Variants in GPA33 observed in about 807,000 individuals in gnomAD.
GPA33 encodes cell surface A33 antigen.
In GPA33, 27 loss-of-function variants were observed where a neutral mutation model predicts 35.6. The observed-to-expected ratio is 0.76, with a 90% CI of 0.56 to 1.04. The LOEUF (loss-of-function observed/expected upper bound fraction) is 1.04. GPA33 is among the 50% of genes least tolerant of loss of function. GPA33 has a pLI of 0.00. For missense variants in GPA33, 428 were observed against 411.9 expected (o/e 1.04, Z -0.34); for synonymous variants, 176 against 164.0 (o/e 1.07, Z -0.56).
chr1:167,088,248 T>C (rs918357530), intron 1 of GPA33, among the ~76,000 whole-genome samples: 39 of 152,278 alleles, frequency 2.6e-4, no homozygotes, highest in South Asian at 2.1e-4. Context: ...CTCCCTTACC[T>C]GCGCAAAGGA....
intron 1 of GPA33, among the ~76,000 whole-genome samples, chr1:167,077,648 AC>A (rs1426647776): frequency 6.6e-6 from 1 of 152,136 alleles, no homozygotes; most frequent in African/African-American, 2.4e-5. Flanking sequence ...GAACCAACCC[AC>A]TAAGTCATTC....
intron 4 of GPA33, among the ~76,000 whole-genome samples, chr1:167,063,370 A>G (rs985546660): frequency 2.6e-5 from 4 of 152,154 alleles, no homozygotes; most frequent in African/African-American, 9.7e-5. Context: ...GATCGTGCCA[A>G]CTGCACTCCA....
intron 4 of GPA33, among the ~76,000 whole-genome samples, chr1:167,061,747 C>T (rs796790620): frequency 5.3e-5 from 8 of 151,994 alleles, no homozygotes; most frequent in South Asian, 2.1e-4. Flanking sequence ...GGACTACAGG[C>T]GTCCGCCACC....
intron 1 of GPA33, among the ~76,000 whole-genome samples, chr1:167,087,095 T>C (rs780435427): frequency 9.2e-5 from 14 of 152,198 alleles, no homozygotes; most frequent in Non-Finnish European, 1.8e-4. Flanking sequence ...TGTGCACACA[T>C]TGGAGCATTT....
chr1:167,059,189 G>T (rs1294390048), intron 4 of GPA33, among the ~76,000 whole-genome samples: 1 of 152,200 alleles, frequency 6.6e-6, no homozygotes, highest in Non-Finnish European at 1.5e-5. Context: ...ACTGGAAGCT[G>T]CTGGGATGAA....
At position 167,054,227 on chromosome 1, in the gene GPA33, T is replaced by C; in HGVS notation, c.*107A>G. 2.2e-6 allele frequency: 3 copies of C among 1,385,762 alleles called. No individual in the cohort carries two copies. Among genetic ancestry groups the C allele is most frequent in the Non-Finnish European group, 3.0e-6 (3 of 1,002,142 alleles). The allele number at this position is 1,385,762 out of a possible 1,614,324, so 85.8% of individuals were successfully genotyped here. Reference sequence around the variant, plus strand: ...TGGGGAAGAAATGTCCCCATCAATGTCTGGGATGGAGGGACAGGAGAACAG... The same window carrying C: ...TGGGGAAGAAATGTCCCCATCAATGCCTGGGATGGAGGGACAGGAGAACAG... On this transcript the variant is annotated 3_prime_UTR_variant, in exon 7 of 7. Coordinates refer to ENST00000367868, the MANE Select transcript of GPA33 (RefSeq NM_005814.3).
intron 3 of GPA33, among the ~76,000 whole-genome samples, chr1:167,065,414 G>A (rs377737091): frequency 3.9e-5 from 6 of 152,220 alleles, no homozygotes; most frequent in Non-Finnish European, 7.3e-5. Flanking sequence ...ACTTCAGGTC[G>A]TGTCCTTGGA....
At chr1:167,068,423 T>G (rs1666645550) in intron 3 of GPA33, among the ~76,000 whole-genome samples, 1 of 152,202 alleles carries the variant, frequency 6.6e-6, no homozygotes, top group Admixed American at 6.5e-5. Flanking sequence ...TTGGGACACA[T>G]TTCAAAGGGA....
At chr1:167,054,621 TA>T (rs751492026) in intron 6 of GPA33, among the ~76,000 whole-genome samples, 155 bp from the exon 7 acceptor site, 3 of 151,566 alleles carry the variant, frequency 2.0e-5, no homozygotes, top group Non-Finnish European at 4.4e-5. Context: ...GGGCTGAGAG[TA>T]AAGGTGCCAC....
Position 167,068,994 on chromosome 1 carries a change from A to G in GPA33, c.343T>C (p.Tyr115His). 1 of 1,614,100 alleles carries G rather than the reference A, an allele frequency of 6.2e-7. No individual in the cohort carries two copies. Among genetic ancestry groups the G allele is most frequent in the South Asian group, 1.1e-5 (1 of 91,076 alleles). ...GACATCAGCGAGACAGAACACTCGT[A>G]GGTGCCGTTGTCAGCCATGGTCAGC... ...DQLTMADNGT[Y>H]ECSVSLMSDL... Residue 115 changes from tyrosine (Y) to histidine (H), a missense_variant, in exon 3 of 7, where the codon TAC (tyrosine) becomes CAC (histidine). Coordinates refer to ENST00000367868, the MANE Select transcript of GPA33 (RefSeq NM_005814.3).
chr1:167,056,153 A>T (rs1362906758), intron 4 of GPA33, among the ~76,000 whole-genome samples: 2 of 152,242 alleles, frequency 1.3e-5, no homozygotes, highest in African/African-American at 4.8e-5. Context: ...CAGAAATAAT[A>T]GTACCTGCCT....
chr1:167,081,495 G>A (rs1313616109), intron 1 of GPA33, among the ~76,000 whole-genome samples: 4 of 152,194 alleles, frequency 2.6e-5, no homozygotes, highest in Non-Finnish European at 4.4e-5. Flanking sequence ...AGGCAGGGAG[G>A]GAGGTGGTTT....
intron 3 of GPA33, among the ~76,000 whole-genome samples, chr1:167,066,576 T>TAGGA (rs1276697156): frequency 6.6e-6 from 1 of 152,106 alleles, no homozygotes; most frequent in African/African-American, 2.4e-5. Context: ...CAAAAACAGG[T>TAGGA]AGGACCTCCG....
intron 6 of GPA33, 88 bp from the exon 7 acceptor site, chr1:167,054,554 C>G: frequency 6.5e-7 from 1 of 1,538,934 alleles, no homozygotes; most frequent in Non-Finnish European, 8.9e-7. Context: ...ACAGGAAGAG[C>G]AGCCTCCAGA....
chr1:167,067,146 T>TTTGCTTGC (rs1363590251), intron 3 of GPA33, among the ~76,000 whole-genome samples: 10 of 152,146 alleles, frequency 6.6e-5, no homozygotes, highest in African/African-American at 2.2e-4. Flanking sequence ...TTTTTGTTTG[T>TTTGCTTGC]TTGCTTGCTT....
chr1:167,061,581 T>G lies in GPA33; in HGVS notation c.571+2001A>C, dbSNP rs1388400619. Among the ~76,000 whole-genome samples, 7 of 144,690 alleles carry G rather than the reference T, an allele frequency of 4.8e-5. No individual in the cohort carries two copies. In the Admixed American group the frequency reaches 4.9e-4, roughly 10 times the overall value. The allele number at this position is 144,690 out of a possible 152,430, so 94.9% of individuals were successfully genotyped here. A position where few individuals can be genotyped will look rare whatever the true frequency, so the allele number is the denominator to read the frequency against. Reference sequence around the variant, plus strand: ...TTAAGTTAGGTCGAGTGGATTCTACTAACTGTTTTTTTTTTTTTTTTTTTT... The same window carrying G: ...TTAAGTTAGGTCGAGTGGATTCTACGAACTGTTTTTTTTTTTTTTTTTTTT... On this transcript the variant is annotated intron_variant, in intron 4 of 6. Transcript: ENST00000367868.
intron 3 of GPA33, among the ~76,000 whole-genome samples, chr1:167,064,804 G>T (rs372105716): frequency 1.2e-4 from 19 of 152,006 alleles, no homozygotes; most frequent in African/African-American, 4.1e-4. Flanking sequence ...CCATAAGCAC[G>T]GGATGATGGG....
chr1:167,073,636 G>C, intron 1 of GPA33, 97 bp from the exon 2 acceptor site: 1 of 1,081,346 alleles, frequency 9.2e-7, no homozygotes, highest in South Asian at 1.6e-5. Context: ...GTCCAGGGCT[G>C]TTCTTGCACC....
intron 1 of GPA33, among the ~76,000 whole-genome samples, chr1:167,083,166 C>T (rs1006854879): frequency 9.2e-5 from 14 of 152,194 alleles, no homozygotes; most frequent in Non-Finnish European, 1.8e-4. Context: ...CAGGTGATGT[C>T]TGAGAGGCAG....
Sources: allele counts gnomAD v4.1 joint callset (sites outside exome capture counted in the v4.1 genomes callset), GRCh38; gene constraint gnomAD v4.1.1; transcripts MANE v1.5; gene names NCBI Gene and HGNC (gene_info 2026-07-23, HGNC 2026-07-21).